Variants in OSCP1 observed in about 807,000 individuals in gnomAD.
OSCP1 encodes organic solute carrier partner 1.
OSCP1 carries 35 observed loss-of-function variants against 45.1 expected under a neutral mutation model. That is an observed-to-expected ratio of 0.78 (90% CI 0.59 to 1.03). OSCP1 has a LOEUF of 1.03. Ranked by LOEUF, OSCP1 falls within the 50% of genes least tolerant of loss-of-function variation. The probability of loss-of-function intolerance (pLI) is 0.00; values close to 1 mark genes in which losing one functional copy is unlikely to be tolerated. For missense variants in OSCP1, 400 were observed against 470.7 expected (o/e 0.85, Z 1.39); for synonymous variants, 179 against 180.1 (o/e 0.99, Z 0.05).
chr1:36,432,335 T>A, intron 3 of OSCP1, 87 bp downstream of exon 3: 1 of 1,455,896 alleles, frequency 6.9e-7, no homozygotes, highest in Non-Finnish European at 9.4e-7. Flanking sequence ...CTCATCCTGT[T>A]CTCTCTGTCA....
At chr1:36,436,104 A>C (rs1359206778) in intron 2 of OSCP1, among the ~76,000 whole-genome samples, 6 of 113,876 alleles carry the variant, frequency 5.3e-5, no homozygotes, top group East Asian at 5.6e-4. Flanking sequence ...CTCTCTCTCT[A>C]TTTTTTTTTT....
chr1:36,433,026 T>C (rs1291661673), intron 2 of OSCP1, among the ~76,000 whole-genome samples: 3 of 152,204 alleles, frequency 2.0e-5, no homozygotes, highest in South Asian at 2.1e-4. Flanking sequence ...AAAAATACTC[T>C]CTAATTTCCC....
chr1:36,449,073 A>G (rs1294275076), intron 1 of OSCP1, among the ~76,000 whole-genome samples: 1 of 152,238 alleles, frequency 6.6e-6, no homozygotes, highest in African/African-American at 2.4e-5. Context: ...CTGAATATGT[A>G]TGCTTAGCAT....
In OSCP1 at chr1:36,447,647, C is replaced by T. The variant is rs1195629860; in HGVS notation, c.112+2611G>A. Reference sequence around the variant, plus strand: ...GGCAAATTAGTCTTAGTTTCTCCATCTGTAAAATGGGGATAGTAATATTAC... The same window carrying T: ...GGCAAATTAGTCTTAGTTTCTCCATTTGTAAAATGGGGATAGTAATATTAC... On this transcript the variant is annotated intron_variant, in intron 1 of 9. Transcript: ENST00000235532. This position sits in a 1 kb window ranked among gnomAD's most constrained non-coding sequence, Gnocchi z 4.1. Among the ~76,000 whole-genome samples the T allele has an allele frequency of 6.6e-6, 1 of 152,232 alleles. No homozygotes were observed. Among genetic ancestry groups the T allele is most frequent in the Non-Finnish European group, 1.5e-5 (1 of 68,042 alleles).
intron 8 of OSCP1, 45 bp from the exon 9 acceptor site, chr1:36,419,099 T>G: frequency 6.5e-7 from 1 of 1,534,808 alleles, no homozygotes; most frequent in South Asian, 1.1e-5. Flanking sequence ...TAGGGTTCTT[T>G]CCCTGCCAGC....
In OSCP1 at chr1:36,423,303, G is replaced by A. The variant is rs142558464; in HGVS notation, c.620+60C>T. 155 of 1,311,426 alleles carry A rather than the reference G, an allele frequency of 1.2e-4. No individual in the cohort carries two copies. The Middle Eastern group carries it at 1.8e-3, about 15-fold the overall frequency. The allele number at this position is 1,311,426 out of a possible 1,614,324, so 81.2% of individuals were successfully genotyped here. On this transcript the variant is annotated intron_variant, in intron 5 of 9. Transcript: ENST00000235532. ...CTTGGCAGTGCGGCATTCCGTGTGC[G>A]GCCCATGTGCTGATTTCCTAGCACC...
intron 6 of OSCP1, 64 bp from the exon 7 acceptor site, chr1:36,422,283 G>A (rs1021121690): frequency 6.3e-6 from 9 of 1,422,892 alleles, no homozygotes; most frequent in East Asian, 2.3e-5. Context: ...TCTCTAACTC[G>A]TAAGCATAGT....
In OSCP1 at chr1:36,441,948, C is replaced by G. The variant is rs908868826; in HGVS notation, c.113-3038G>C. Among the ~76,000 whole-genome samples the G allele has an allele frequency of 2.7e-5, 4 of 148,896 alleles. No homozygotes were observed. The East Asian group carries it at 8.1e-4, about 30-fold the overall frequency. On this transcript the variant is annotated intron_variant, in intron 1 of 9. Coordinates refer to ENST00000235532, the MANE Select transcript of OSCP1 (RefSeq NM_145047.5). ...TTCAATAGGAAGAGGCTAAGGGGGG[C>G]CGGGCGCAGTGGCTCACGCCTGTAA...
At chr1:36,420,122 C>T (rs534062479) in intron 8 of OSCP1, among the ~76,000 whole-genome samples, 21 of 151,540 alleles carry the variant, frequency 1.4e-4, no homozygotes, top group African/African-American at 3.6e-4. Context: ...ACTACAGGTG[C>T]GTGCCACCAC....
chr1:36,427,423 A>C (rs4653192), intron 4 of OSCP1, among the ~76,000 whole-genome samples: 1 of 150,782 alleles, frequency 6.6e-6, no homozygotes, highest in African/African-American at 2.4e-5. Flanking sequence ...TTGGCCTCCC[A>C]AAGTGCTTGG....
At chr1:36,418,432 T>C in intron 9 of OSCP1, 177 bp from the exon 10 acceptor site, 1 of 603,158 alleles carries the variant, frequency 1.7e-6, no homozygotes, top group South Asian at 2.0e-5. Flanking sequence ...GGTCTATATA[T>C]TTTTTTTCTT....
intron 2 of OSCP1, among the ~76,000 whole-genome samples, chr1:36,436,270 AT>A (rs558128409): frequency 1.9e-3 from 264 of 142,196 alleles, no homozygotes; most frequent in Admixed American, 2.0e-3. Flanking sequence ...CACCGGGCTA[AT>A]TTTTTTTTTT....
intron 4 of OSCP1, among the ~76,000 whole-genome samples, chr1:36,424,640 C>T (rs981064852): frequency 1.3e-5 from 2 of 152,176 alleles, no homozygotes; most frequent in Non-Finnish European, 2.9e-5. Flanking sequence ...GGGGATCCAG[C>T]TGACATTTAA....
intron 1 of OSCP1, among the ~76,000 whole-genome samples, chr1:36,445,925 C>T (rs1649495660): frequency 6.6e-6 from 1 of 151,926 alleles, no homozygotes; most frequent in South Asian, 2.1e-4. Context: ...GTTGGCCAGG[C>T]TGGTCTTGAA....
intron 4 of OSCP1, among the ~76,000 whole-genome samples, chr1:36,424,167 C>G (rs1369057380): frequency 6.6e-6 from 1 of 152,140 alleles, no homozygotes; most frequent in Non-Finnish European, 1.5e-5. Flanking sequence ...GCTCAAAATC[C>G]TAAGCCCAAG....
In OSCP1 at chr1:36,436,483, C is replaced by T. The variant is rs949317344; in HGVS notation, c.267+2273G>A. On this transcript the variant is annotated intron_variant, in intron 2 of 9. Coordinates refer to ENST00000235532, the MANE Select transcript of OSCP1 (RefSeq NM_145047.5). The stretch of plus-strand genomic sequence containing the variant: ...CTTGAACTCCTGGGCTCAAGCGATC[C>T]TCCTGCCTTGGCCTCCCTAAGTGCT... Among the ~76,000 whole-genome samples the T allele has an allele frequency of 5.3e-5, 8 of 152,224 alleles. 1 individual carries two copies. The highest frequency in any genetic ancestry group is 1.3e-4 in the Admixed American group (2 of 15,292).
intron 1 of OSCP1, among the ~76,000 whole-genome samples, chr1:36,442,045 T>C (rs889791853): frequency 6.6e-6 from 1 of 151,922 alleles, no homozygotes; most frequent in Non-Finnish European, 1.5e-5. Flanking sequence ...CTGACCAACA[T>C]GGAGAAACCC....
intron 1 of OSCP1, among the ~76,000 whole-genome samples, chr1:36,449,178 C>T (rs1265134910): frequency 1.3e-5 from 2 of 152,082 alleles, no homozygotes; most frequent in Non-Finnish European, 2.9e-5. Flanking sequence ...TCAACTTTTC[C>T]TCCTCCACTT....
intron 1 of OSCP1, among the ~76,000 whole-genome samples, chr1:36,442,226 C>CA (rs72150069): frequency 0.1 from 11,780 of 113,790 alleles, 1,210 homozygotes; most frequent in African/African-American, 0.28. Flanking sequence ...AACTCCGTCT[C>CA]AAAAAAAAAA....
Sources: allele counts gnomAD v4.1 joint callset (sites outside exome capture counted in the v4.1 genomes callset), GRCh38; gene constraint gnomAD v4.1.1; non-coding constraint Gnocchi (gnomAD v3.1); transcripts MANE v1.5; gene names NCBI Gene and HGNC (gene_info 2026-07-23, HGNC 2026-07-21).